The following RHOT1 variants were observed in gnomAD, a reference collection of about 807,000 sequenced individuals.
RHOT1 encodes ras homolog family member T1.
RHOT1 carries 27 observed loss-of-function variants against 95.3 expected under a neutral mutation model. The ratio of observed to expected loss-of-function variants is 0.28; its 90% confidence interval spans 0.21 to 0.39. The LOEUF (loss-of-function observed/expected upper bound fraction) is 0.39. RHOT1 is among the 10% of genes least tolerant of loss of function. The pLI, the probability that RHOT1 is intolerant of heterozygous loss-of-function variation, is 1.00. For synonymous variants in RHOT1, 227 were observed against 263.5 expected, an observed-to-expected ratio of 0.86 and a Z score of 1.34; for missense variants, 578 against 786.7, an observed-to-expected ratio of 0.73 and a Z score of 3.17.
In RHOT1 at chr17:32,176,029, T is replaced by C; in HGVS notation, c.276+14T>C. The C allele has an allele frequency of 1.2e-6, 2 of 1,605,520 alleles. No homozygotes were observed. Among genetic ancestry groups the C allele is most frequent in the Non-Finnish European group, 1.7e-6 (2 of 1,176,440 alleles). Reference sequence around the variant, plus strand: ...TCTATTGATAAGGTAGGTGTGATCTTTTTTTCCCTATAGTTGGTTTCAGTG... The same window carrying C: ...TCTATTGATAAGGTAGGTGTGATCTCTTTTTCCCTATAGTTGGTTTCAGTG... On this transcript the variant is annotated intron_variant, in intron 5 of 19. Coordinates refer to ENST00000545287, the MANE Select transcript of RHOT1 (RefSeq NM_001033566.3).
At chr17:32,215,233 C>CAGT (rs2038396703) in intron 19 of RHOT1, among the ~76,000 whole-genome samples, 3 of 152,202 alleles carry the variant, frequency 2.0e-5, no homozygotes, top group African/African-American at 7.2e-5. Flanking sequence ...TGAATGTCTA[C>CAGT]AAAGAATTAA....
At chr17:32,216,952 A>G (rs1301198635) in intron 19 of RHOT1, among the ~76,000 whole-genome samples, 2 of 152,198 alleles carry the variant, frequency 1.3e-5, no homozygotes, top group Non-Finnish European at 2.9e-5. Context: ...GAATTTGTAT[A>G]CATAGTCATA....
intron 19 of RHOT1, chr17:32,222,745 C>A: frequency 2.5e-6 from 1 of 401,542 alleles, no homozygotes; most frequent in Middle Eastern, 1.3e-3. Context: ...AAACTGTGTG[C>A]ATGTGTATAA....
chr17:32,209,183 T>A, intron 18 of RHOT1: 1 of 385,650 alleles, frequency 2.6e-6, no homozygotes, highest in Non-Finnish European at 4.6e-6. Context: ...ATTTTTAAAG[T>A]CAGTTAACTT....
intron 8 of RHOT1, among the ~76,000 whole-genome samples, chr17:32,190,492 T>TA (rs1415144024): frequency 1.3e-5 from 2 of 152,166 alleles, no homozygotes; most frequent in Non-Finnish European, 2.9e-5. Flanking sequence ...TTATTTTTCT[T>TA]AAAATTACTT....
At chr17:32,221,065 G>A in intron 19 of RHOT1, 1 of 983,896 alleles carries the variant, frequency 1.0e-6, no homozygotes, top group Non-Finnish European at 1.2e-6. Flanking sequence ...TTCTGCTTAA[G>A]TTTAGAAATG....
intron 11 of RHOT1, 71 bp downstream of exon 11, chr17:32,194,178 C>A: frequency 1.3e-6 from 2 of 1,524,300 alleles, no homozygotes; most frequent in South Asian, 1.2e-5. Context: ...CACTATGTTT[C>A]CCAGGCTGGT....
At chr17:32,223,907 C>T (rs1028422770) in intron 19 of RHOT1, among the ~76,000 whole-genome samples, 12 of 152,144 alleles carry the variant, frequency 7.9e-5, no homozygotes, top group African/African-American at 2.9e-4. Flanking sequence ...TGTCCCTGTT[C>T]TTGTCATGCA....
At chr17:32,221,294 G>C (rs1470509137) in intron 19 of RHOT1, 1 of 151,962 alleles carries the variant, frequency 6.6e-6, no homozygotes, top group African/African-American at 2.4e-5. Flanking sequence ...TTTGAACTTG[G>C]GAGGCGGAGG....
chr17:32,207,147 C>A (rs2037817648), intron 17 of RHOT1, 118 bp downstream of exon 17: 5 of 954,418 alleles, frequency 5.2e-6, no homozygotes, highest in Non-Finnish European at 6.2e-6. Flanking sequence ...TTTAAAAATA[C>A]ATACATCTTT....
intron 1 of RHOT1, chr17:32,151,584 TA>T: frequency 1.5e-5 from 5 of 330,466 alleles, no homozygotes; most frequent in Non-Finnish European, 2.4e-5. Flanking sequence ...ATGAACTTTT[TA>T]AAAAAAGGAA....
intron 6 of RHOT1, among the ~76,000 whole-genome samples, chr17:32,180,246 T>A (rs555659100): frequency 4.0e-4 from 61 of 151,922 alleles, no homozygotes; most frequent in African/African-American, 1.4e-3. Context: ...GAAAGAGAGA[T>A]CAGATTGTTA....
rs192681664 is a variant in RHOT1, at chr17:32,187,630, G to A, written c.540+4358G>A. Among the ~76,000 whole-genome samples, 361 of 152,076 alleles carry A rather than the reference G, an allele frequency of 2.4e-3. 9 individuals are homozygous for A. The South Asian group carries it at 0.043, about 18-fold the overall frequency. ...GATGGAGTCTCGCTCTGTTGCCCAC[G>A]TTGGAGTGCAGTGGTGTGATCTCAG... On this transcript the variant is annotated intron_variant, in intron 8 of 19. Transcript: ENST00000545287.
intron 1 of RHOT1, among the ~76,000 whole-genome samples, chr17:32,150,169 A>G (rs2032110961): frequency 6.6e-6 from 1 of 152,192 alleles, no homozygotes; most frequent in Non-Finnish European, 1.5e-5. Context: ...AAAAAGCCCT[A>G]GTTTAGATTT....
chr17:32,166,005 C>T (rs746376428), intron 1 of RHOT1, among the ~76,000 whole-genome samples: 4 of 151,534 alleles, frequency 2.6e-5, no homozygotes, highest in African/African-American at 4.8e-5. Context: ...GCCAACAAGG[C>T]GAAACCCCAT....
intron 19 of RHOT1, among the ~76,000 whole-genome samples, chr17:32,216,968 A>G (rs2038515520): frequency 6.6e-6 from 1 of 152,188 alleles, no homozygotes; most frequent in South Asian, 2.1e-4. Flanking sequence ...TCATATATTT[A>G]AAGTTATACA....
chr17:32,146,484 C>T (rs150995258), intron 1 of RHOT1, among the ~76,000 whole-genome samples: 4,650 of 151,536 alleles, frequency 0.031, 256 homozygotes, highest in African/African-American at 0.11. Context: ...CTCGCTTTGT[C>T]GCCCAGGCTG....
chr17:32,187,155 C>T (rs1051048220), intron 8 of RHOT1, among the ~76,000 whole-genome samples: 4 of 151,908 alleles, frequency 2.6e-5, no homozygotes, highest in South Asian at 2.1e-4. Flanking sequence ...GGCATATTGG[C>T]GCATACCTGT....
chr17:32,222,959 C>A, intron 19 of RHOT1: 1 of 835,798 alleles, frequency 1.2e-6, no homozygotes, highest in Non-Finnish European at 1.4e-6. Flanking sequence ...AAAACCTAAG[C>A]ATTTTCTTCT....
Sources: allele counts gnomAD v4.1 joint callset (sites outside exome capture counted in the v4.1 genomes callset), GRCh38; gene constraint gnomAD v4.1.1; transcripts MANE v1.5; gene names NCBI Gene and HGNC (gene_info 2026-07-23, HGNC 2026-07-21).